The following DLG2 variants were observed in gnomAD, a reference collection of about 807,000 sequenced individuals.
The protein encoded by DLG2 is discs large MAGUK scaffold protein 2, also known as disks large homolog 2.
In DLG2, 45 loss-of-function variants were observed where a neutral mutation model predicts 132.5. The observed-to-expected ratio is 0.34, with a 90% CI of 0.27 to 0.44. The LOEUF (loss-of-function observed/expected upper bound fraction) is 0.44, where lower values mean the gene tolerates loss of function less well. Ranked by LOEUF, DLG2 falls within the 20% of genes least tolerant of loss-of-function variation. DLG2 has a pLI of 1.00. For synonymous variants in DLG2, 424 were observed against 419.6 expected, an observed-to-expected ratio of 1.01 and a Z score of -0.13; for missense variants, 1,045 against 1,196.9, an observed-to-expected ratio of 0.87 and a Z score of 1.87.
At chr11:83,903,407 C>G (rs937310304) in intron 15 of DLG2, among the ~76,000 whole-genome samples, 3 of 152,124 alleles carry the variant, frequency 2.0e-5, no homozygotes, top group Admixed American at 1.3e-4. Flanking sequence ...TATTCTGTTA[C>G]TCCTGACCTT....
At chr11:83,904,661 T>G (rs2074281903) in intron 15 of DLG2, among the ~76,000 whole-genome samples, 1 of 147,094 alleles carries the variant, frequency 6.8e-6, no homozygotes, top group African/African-American at 2.5e-5. Flanking sequence ...TTTGTTTACT[T>G]TTTTTTTTTA....
At chr11:85,365,978 A>G (rs2084520593) in intron 3 of DLG2, among the ~76,000 whole-genome samples, 1 of 152,208 alleles carries the variant, frequency 6.6e-6, no homozygotes, top group South Asian at 2.1e-4. Context: ...GAAACACCTA[A>G]TGTCAGGTTG....
chr11:84,826,497 C>G (rs928458511), intron 6 of DLG2, among the ~76,000 whole-genome samples: 1 of 151,920 alleles, frequency 6.6e-6, no homozygotes, highest in Non-Finnish European at 1.5e-5. Context: ...CATTGCCAAA[C>G]AAACAACTGC....
At chr11:84,436,548 G>T (rs1335916333) in intron 7 of DLG2, among the ~76,000 whole-genome samples, 1 of 152,102 alleles carries the variant, frequency 6.6e-6, no homozygotes, top group African/African-American at 2.4e-5. Context: ...TGTTACCTTT[G>T]GAAGTTTCCC....
intron 6 of DLG2, among the ~76,000 whole-genome samples, chr11:84,782,006 C>T (rs951984970): frequency 1.3e-5 from 2 of 152,038 alleles, no homozygotes; most frequent in Non-Finnish European, 2.9e-5. Flanking sequence ...CTAGCCATGC[C>T]AAAAGAAGAT....
intron 4 of DLG2, among the ~76,000 whole-genome samples, chr11:85,156,618 A>T (rs2077605265): frequency 6.6e-6 from 1 of 152,190 alleles, no homozygotes. Flanking sequence ...TCTCTCATGT[A>T]GATGTACATA....
intron 21 of DLG2, among the ~76,000 whole-genome samples, chr11:83,492,555 C>T (rs1013639039): frequency 6.6e-6 from 1 of 151,990 alleles, no homozygotes; most frequent in East Asian, 1.9e-4. Flanking sequence ...TCAAACCAAA[C>T]ACGTGGTCTT....
At chr11:84,055,148 C>G (rs918883373) in intron 11 of DLG2, among the ~76,000 whole-genome samples, 1 of 152,038 alleles carries the variant, frequency 6.6e-6, no homozygotes, top group Non-Finnish European at 1.5e-5. Context: ...GAGGTTCCCT[C>G]TGTCCTCAGA....
chr11:84,298,909 T>A (rs976442530), intron 7 of DLG2, among the ~76,000 whole-genome samples: 5 of 152,140 alleles, frequency 3.3e-5, no homozygotes, highest in Non-Finnish European at 1.5e-5. Context: ...GAAATACAGA[T>A]TGGGGCCAAA....
intron 6 of DLG2, among the ~76,000 whole-genome samples, chr11:84,776,176 G>T (rs2070449292): frequency 6.6e-6 from 1 of 152,044 alleles, no homozygotes; most frequent in African/African-American, 2.4e-5. Context: ...GTTGTTTGAG[G>T]CAAGTTATTG....
intron 18 of DLG2, among the ~76,000 whole-genome samples, chr11:83,774,202 C>A (rs2094502001): frequency 6.6e-6 from 1 of 152,172 alleles, no homozygotes; most frequent in South Asian, 2.1e-4. Context: ...CTGAAGACAT[C>A]CTGTAAGTGC....
intron 3 of DLG2, among the ~76,000 whole-genome samples, chr11:85,286,940 C>T (rs983469671): frequency 6.6e-6 from 1 of 151,976 alleles, no homozygotes; most frequent in Non-Finnish European, 1.5e-5. Context: ...ATCAAAGAAA[C>T]ACAAGAACCA....
At chr11:84,267,678 C>A (rs2097659786) in intron 7 of DLG2, among the ~76,000 whole-genome samples, 1 of 152,186 alleles carries the variant, frequency 6.6e-6, no homozygotes, top group Non-Finnish European at 1.5e-5. Context: ...AGTCCAGCCT[C>A]TCTTAGTTCT....
intron 3 of DLG2, among the ~76,000 whole-genome samples, chr11:85,466,749 C>A (rs977976650): frequency 2.0e-5 from 3 of 152,256 alleles, no homozygotes; most frequent in South Asian, 2.1e-4. Context: ...AGCGTGGTGC[C>A]TCCAGCTTTG....
intron 4 of DLG2, among the ~76,000 whole-genome samples, chr11:85,208,173 C>T (rs2082027723): frequency 6.6e-6 from 1 of 152,038 alleles, no homozygotes; most frequent in Admixed American, 6.6e-5. Context: ...AGTTAAGTAA[C>T]CTACTGAAGA....
intron 4 of DLG2, among the ~76,000 whole-genome samples, chr11:85,242,568 T>G (rs2075940089): frequency 1.3e-5 from 2 of 151,844 alleles, no homozygotes; most frequent in Non-Finnish European, 2.9e-5. Flanking sequence ...CTTTTCTGCT[T>G]CCTCCTGGAG....
chr11:85,570,896 T>C (rs2077807206), intron 3 of DLG2, among the ~76,000 whole-genome samples: 1 of 152,162 alleles, frequency 6.6e-6, no homozygotes, highest in Non-Finnish European at 1.5e-5. Flanking sequence ...GTTGAGCCTC[T>C]TCAGTAAATC....
At chr11:84,147,865 G>C (rs553485360) in intron 9 of DLG2, among the ~76,000 whole-genome samples, 14 of 152,160 alleles carry the variant, frequency 9.2e-5, no homozygotes, top group Non-Finnish European at 1.8e-4. Context: ...GGTGGGGGTA[G>C]ATAAATGTTT....
chr11:83,874,571 T>A (rs12797973), intron 15 of DLG2, 83 bp from the exon 16 acceptor site: 115,990 of 1,090,210 alleles, frequency 0.11, 7,286 homozygotes, highest in Non-Finnish European at 0.12. Context: ...AGTTTTAGGG[T>A]ACATGTGCAC....
Sources: allele counts gnomAD v4.1 joint callset (sites outside exome capture counted in the v4.1 genomes callset), GRCh38; gene constraint gnomAD v4.1.1; transcripts MANE v1.5; gene names NCBI Gene and HGNC (gene_info 2026-07-23, HGNC 2026-07-21).